Variants in PID1 observed in about 807,000 individuals in gnomAD.
PID1 encodes the protein phosphotyrosine interaction domain containing 1.
In PID1, 10 loss-of-function variants were observed where a neutral mutation model predicts 19.1. That is an observed-to-expected ratio of 0.52 (90% confidence interval 0.32 to 0.89). PID1 has a LOEUF of 0.89. PID1 is among the 40% of genes least tolerant of loss of function. The pLI is 0.03. For missense variants in PID1, 248 were observed against 285.3 expected (o/e 0.87, Z 0.94); for synonymous variants, 130 against 116.0 (o/e 1.12, Z -0.78).
At chr2:229,139,113 A>AAGAAAGAG (rs1559251802) in intron 2 of PID1, among the ~76,000 whole-genome samples, 9 of 31,612 alleles carry the variant, frequency 2.8e-4, no homozygotes, top group East Asian at 8.9e-4. Flanking sequence ...GAAAGAAAGA[A>AAGAAAGAG]AGAGAAAGAA....
At chr2:229,134,065 C>T (rs1689804243) in intron 2 of PID1, among the ~76,000 whole-genome samples, 1 of 152,032 alleles carries the variant, frequency 6.6e-6, no homozygotes, top group Admixed American at 6.6e-5. Context: ...CCAAAAGTAC[C>T]TCCAGACATT....
intron 2 of PID1, among the ~76,000 whole-genome samples, chr2:229,134,916 C>T (rs1030134156): frequency 9.5e-5 from 12 of 125,944 alleles, no homozygotes; most frequent in Admixed American, 1.8e-4. Flanking sequence ...TAAATCCCCA[C>T]AAATAGAAAT....
chr2:229,175,602 G>T (rs1276817901), intron 1 of PID1, among the ~76,000 whole-genome samples: 1 of 152,148 alleles, frequency 6.6e-6, no homozygotes, highest in Non-Finnish European at 1.5e-5. Context: ...TAAAAGAATT[G>T]TTCAGACCAG....
intron 1 of PID1, among the ~76,000 whole-genome samples, chr2:229,163,674 T>TGTGTGTGTGTGCGCGCGCGC (rs374622113): frequency 1.1e-5 from 1 of 94,374 alleles, no homozygotes; most frequent in African/African-American, 3.1e-5. Flanking sequence ...TGTGTGTGTG[T>TGTGTGTGTGTGCGCGCGCGC]GCGTGTGCGT....
chr2:229,070,847 C>T (rs1454848184), intron 2 of PID1, among the ~76,000 whole-genome samples: 1 of 152,162 alleles, frequency 6.6e-6, no homozygotes, highest in Admixed American at 6.5e-5. Flanking sequence ...TTCTTATCAG[C>T]TTACCCAGAT....
At chr2:229,246,995 T>C (rs1175894300) in intron 1 of PID1, among the ~76,000 whole-genome samples, 1 of 151,658 alleles carries the variant, frequency 6.6e-6, no homozygotes, top group African/African-American at 2.4e-5. Context: ...AGAAACAGAA[T>C]CCACATCACA....
chr2:229,213,176 A>C (rs189261789), intron 1 of PID1, among the ~76,000 whole-genome samples: 160 of 152,240 alleles, frequency 1.1e-3, no homozygotes, highest in African/African-American at 3.5e-3. Flanking sequence ...AAACCCTCTA[A>C]GCCTCCATTT....
At chr2:229,232,788 A>AATATATATATAT (rs3997299) in intron 1 of PID1, among the ~76,000 whole-genome samples, 2 of 139,922 alleles carry the variant, frequency 1.4e-5, no homozygotes, top group African/African-American at 5.3e-5. Flanking sequence ...CACACACATA[A>AATATATATATAT]ATATATATAT....
At chr2:229,116,049 C>G (rs182270771) in intron 2 of PID1, among the ~76,000 whole-genome samples, 1 of 151,970 alleles carries the variant, frequency 6.6e-6, no homozygotes, top group Non-Finnish European at 1.5e-5. Context: ...CGGTAAAACC[C>G]CGTCTCTACT....
At chr2:229,218,154 C>T (rs564195444) in intron 1 of PID1, among the ~76,000 whole-genome samples, 65 of 152,098 alleles carry the variant, frequency 4.3e-4, no homozygotes, top group Admixed American at 1.2e-3. Context: ...CCAAAGAGGG[C>T]CTGTGAGAGT....
intron 2 of PID1, among the ~76,000 whole-genome samples, chr2:229,074,602 A>G (rs1694521588): frequency 6.6e-6 from 1 of 152,198 alleles, no homozygotes; most frequent in African/African-American, 2.4e-5. Flanking sequence ...ATAATTCTTC[A>G]GTCAGGTGTG....
intron 1 of PID1, among the ~76,000 whole-genome samples, chr2:229,226,035 T>A (rs1692070518): frequency 6.6e-6 from 1 of 152,216 alleles, no homozygotes; most frequent in Non-Finnish European, 1.5e-5. Flanking sequence ...TGGCCTTCAG[T>A]GCTTCATTAT....
At chr2:229,251,043 C>T (rs1395378708) in intron 1 of PID1, among the ~76,000 whole-genome samples, 2 of 152,136 alleles carry the variant, frequency 1.3e-5, no homozygotes, top group African/African-American at 4.8e-5. Context: ...TGCACTTTTA[C>T]CCTACAGTAA....
chr2:229,138,215 G>A (rs554787858), intron 2 of PID1, among the ~76,000 whole-genome samples: 2 of 152,208 alleles, frequency 1.3e-5, no homozygotes, highest in South Asian at 4.2e-4. Flanking sequence ...CTCAGAAGGG[G>A]GAAGAAAACA....
At chr2:229,064,740 A>T (rs1374842606) in intron 2 of PID1, among the ~76,000 whole-genome samples, 3 of 152,152 alleles carry the variant, frequency 2.0e-5, no homozygotes, top group African/African-American at 7.2e-5. Context: ...CTTTGATGAA[A>T]AGAAGTCTGA....
At chr2:229,167,134 G>A (rs561233303) in intron 1 of PID1, among the ~76,000 whole-genome samples, 2 of 151,958 alleles carry the variant, frequency 1.3e-5, no homozygotes, top group African/African-American at 2.4e-5. Context: ...TATAAATATA[G>A]AAGAAATTAT....
At chr2:229,209,844 G>C (rs1432576674) in intron 1 of PID1, among the ~76,000 whole-genome samples, 1 of 152,026 alleles carries the variant, frequency 6.6e-6, no homozygotes, top group East Asian at 1.9e-4. Context: ...TTTGTCAATT[G>C]CTTAAGGGCA....
At chr2:229,193,687 AGTAT>A (rs1691311641) in intron 1 of PID1, among the ~76,000 whole-genome samples, 1 of 151,882 alleles carries the variant, frequency 6.6e-6, no homozygotes, top group South Asian at 2.1e-4. Flanking sequence ...TGTGTGAGAG[AGTAT>A]GTGTGTGTGA....
chr2:229,109,837 C>T (rs1025100265), intron 2 of PID1, among the ~76,000 whole-genome samples: 2 of 152,208 alleles, frequency 1.3e-5, no homozygotes, highest in Non-Finnish European at 2.9e-5. Context: ...TGCAGAGCAT[C>T]AGTGAAGAGC....
Sources: gnomAD v4.1 joint callset for allele counts (sites outside exome capture counted in the v4.1 genomes callset) on GRCh38, gnomAD v4.1.1 for gene constraint, MANE v1.5 for transcripts, NCBI Gene and HGNC (gene_info 2026-07-23, HGNC 2026-07-21) for gene names.